SF3B3: variants seen among roughly 807,000 people sequenced by gnomAD.
SF3B3 encodes splicing factor 3b subunit 3.
A neutral mutation model predicts 139.2 loss-of-function variants in SF3B3; 33 were observed. The ratio of observed to expected loss-of-function variants is 0.24; its 90% CI spans 0.18 to 0.32. The LOEUF (loss-of-function observed/expected upper bound fraction) is 0.32, where lower values mean the gene tolerates loss of function less well. Among genes scored for constraint, SF3B3 ranks in the 10% least tolerant of loss-of-function variants. The probability of loss-of-function intolerance (pLI) is 1.00; values close to 1 mark genes in which losing one functional copy is unlikely to be tolerated. For missense variants in SF3B3, 818 were observed against 1,509.4 expected (o/e 0.54, Z 7.59); for synonymous variants, 596 against 563.6 (o/e 1.06, Z -0.81).
At position 70,529,190 on chromosome 16, in the gene SF3B3, G is replaced by A. The variant is rs1267673684; in HGVS notation, c.388G>A (p.Val130Ile). Residue 130 changes from valine (V) to isoleucine (I), a missense_variant, in exon 3 of 26, where the codon GTT (valine) becomes ATT (isoleucine). Coordinates refer to ENST00000302516, the MANE Select transcript of SF3B3 (RefSeq NM_012426.5). Reference sequence around the variant, plus strand: ...AGCTGTGGATCCCAAAGGGCGAGCCGTTATGATTAGTAAGTGATTTACTCT... The same window carrying A: ...AGCTGTGGATCCCAAAGGGCGAGCCATTATGATTAGTAAGTGATTTACTCT... ...FLAVDPKGRA[V>I]MISAIEKQKL... is the part of the protein sequence containing the mutation. 2.5e-6 allele frequency: 4 copies of A among 1,612,194 alleles called. No individual in the cohort carries two copies. The highest frequency in any genetic ancestry group is 1.3e-5 in the African/African-American group (1 of 74,942).
chr16:70,525,363 T>A (rs1445260285), intron 1 of SF3B3, among the ~76,000 whole-genome samples: 4 of 152,098 alleles, frequency 2.6e-5, no homozygotes, highest in Non-Finnish European at 5.9e-5. Flanking sequence ...GGACTGATCC[T>A]CCGAAATGCA....
chr16:70,530,094 C>G (rs1417538933), intron 3 of SF3B3, among the ~76,000 whole-genome samples: 9 of 150,830 alleles, frequency 6.0e-5, no homozygotes, highest in Admixed American at 2.7e-4. Context: ...CTACTGCACT[C>G]CAGCCCGGAC....
At chr16:70,550,743 C>T in intron 11 of SF3B3, 1 of 835,244 alleles carries the variant, frequency 1.2e-6, no homozygotes, top group Non-Finnish European at 1.4e-6. Flanking sequence ...GGGACCTGCA[C>T]AAAATATTGA....
intron 9 of SF3B3, 67 bp downstream of exon 9, chr16:70,541,901 T>C: frequency 7.5e-7 from 1 of 1,335,148 alleles, no homozygotes; most frequent in South Asian, 1.5e-5. Context: ...GTCTAAGAAA[T>C]AGCTTTATTA....
At position 70,529,057 on chromosome 16, in the gene SF3B3, T is replaced by C. The variant is rs1034865999; in HGVS notation, c.255T>C (p.Gly85=). 15 of 1,614,076 alleles carry C rather than the reference T, an allele frequency of 9.3e-6. No homozygotes were observed. In the African/African-American group the frequency reaches 1.3e-4, roughly 14 times the overall value. The change falls in exon 3 of 26, where the codon GGT becomes GGC. Residue 85 remains glycine (G), a synonymous_variant. Transcript: ENST00000302516. ...KDYIVVGSDS[G]RIVILEYQPS... ...ACATTGTAGTTGGCAGTGACTCTGGTCGAATTGTTATTTTGGAATACCAGC... is the reference window on the plus strand; with the variant it reads ...ACATTGTAGTTGGCAGTGACTCTGGCCGAATTGTTATTTTGGAATACCAGC...
chr16:70,547,683 T>A (rs2050281601), intron 10 of SF3B3, among the ~76,000 whole-genome samples: 1 of 152,136 alleles, frequency 6.6e-6, no homozygotes. Context: ...AACCTCCGCC[T>A]CCCGGGTTCA....
chr16:70,571,593 C>A, intron 25 of SF3B3, 80 bp from the exon 26 acceptor site: 1 of 1,466,972 alleles, frequency 6.8e-7, no homozygotes, highest in Admixed American at 2.2e-5. Flanking sequence ...ACAGCTTTCC[C>A]TACAAGTGCT....
chr16:70,569,002 G>C, intron 22 of SF3B3, 41 bp from the exon 23 acceptor site: 4 of 1,463,856 alleles, frequency 2.7e-6, no homozygotes, highest in Non-Finnish European at 3.8e-6. Flanking sequence ...AGGTGAGCAG[G>C]TCCGGGCCCC....
At chr16:70,559,473 G>T (rs1477955174) in intron 15 of SF3B3, among the ~76,000 whole-genome samples, 2 of 152,038 alleles carry the variant, frequency 1.3e-5, no homozygotes, top group African/African-American at 4.8e-5. Flanking sequence ...GATTGCTTGA[G>T]CTCAGGAGTT....
intron 25 of SF3B3, among the ~76,000 whole-genome samples, 197 bp from the exon 26 acceptor site, chr16:70,571,476 G>T (rs1327572710): frequency 6.6e-6 from 1 of 152,164 alleles, no homozygotes; most frequent in Non-Finnish European, 1.5e-5. Flanking sequence ...CCAGCCAATC[G>T]GGAGGCTGAG....
At chr16:70,541,893 C>CCTG in intron 9 of SF3B3, 59 bp downstream of exon 9, 1 of 1,410,816 alleles carries the variant, frequency 7.1e-7, no homozygotes, top group Non-Finnish European at 9.7e-7. Flanking sequence ...GAGGTCTAGT[C>CCTG]TAAGAAATAG....
At chr16:70,524,152 C>G in intron 1 of SF3B3, 1 of 321,218 alleles carries the variant, frequency 3.1e-6, no homozygotes, top group Non-Finnish European at 5.6e-6. Flanking sequence ...AAATAGGGCT[C>G]GTGGAGATTG....
At chr16:70,526,046 G>T (rs1191372923) in intron 1 of SF3B3, among the ~76,000 whole-genome samples, 1 of 149,992 alleles carries the variant, frequency 6.7e-6, no homozygotes, top group East Asian at 1.9e-4. Flanking sequence ...CCCATTTCTA[G>T]CCTGGAGCAT....
chr16:70,563,107 A>T (rs1242979067), intron 17 of SF3B3, among the ~76,000 whole-genome samples: 1 of 151,298 alleles, frequency 6.6e-6, no homozygotes, highest in African/African-American at 2.4e-5. Context: ...AGCTGGGACT[A>T]CAGGCGTGCG....
chr16:70,535,217 A>G (rs2050155533), intron 5 of SF3B3, 91 bp from the exon 6 acceptor site: 5 of 615,516 alleles, frequency 8.1e-6, no homozygotes, highest in Middle Eastern at 2.7e-4. Flanking sequence ...CATTACCATC[A>G]TCAAGTTGTG....
chr16:70,541,798 T>G lies in SF3B3; in HGVS notation c.1197T>G (p.Asp399Glu). 6.2e-7 allele frequency: 1 copy of G among 1,614,174 alleles called. No individual in the cohort carries two copies. The highest frequency in any genetic ancestry group is 2.2e-5 in the East Asian group (1 of 44,892). ...PRPLKNLVLV[D>E]ELDSLSPILF... ...CACTTAAAAACCTTGTGCTGGTTGA[T>G]GAGTTGGACAGCCTCTCTCCCATTC... is the stretch of plus-strand genomic sequence containing the variant. The change falls in exon 9 of 26, where the codon GAT becomes GAG. Residue 399 changes from aspartate to glutamate, a missense_variant. This residue lies in a region of SF3B3 where 26 missense variants were observed against 25.5 expected (regional missense o/e 1.02). Transcript: ENST00000302516.
At chr16:70,564,686 T>C (rs935356546) in intron 18 of SF3B3, among the ~76,000 whole-genome samples, 2 of 152,198 alleles carry the variant, frequency 1.3e-5, no homozygotes, top group Admixed American at 6.5e-5. Flanking sequence ...TACAACCACG[T>C]AGAACTGTAT....
chr16:70,532,742 C>G lies in SF3B3; in HGVS notation c.712+122C>G, dbSNP rs201812221. On this transcript the variant is annotated intron_variant, in intron 5 of 25. Transcript: ENST00000302516. ...TTTGTTGTGAACCTGAATACCTTAT[C>G]TTTTGGACAGGTTAGAAGTTCATGT... The G allele has an allele frequency of 9.0e-6, 7 of 777,006 alleles. No homozygotes were observed. The South Asian group carries it at 1.4e-4, about 15-fold the overall frequency. 48.1% of individuals were successfully genotyped at this position (777,006 alleles called of 1,614,324 possible). A position where few individuals can be genotyped will look rare whatever the true frequency, so the allele number is the denominator to read the frequency against.
rs1048550847 is a variant in SF3B3 at position 70,573,248 on chromosome 16, C to A, written c.*1435C>A. 1 of 152,156 alleles carries A rather than the reference C, an allele frequency of 6.6e-6. No individual in the cohort carries two copies. The highest frequency in any genetic ancestry group is 1.5e-5 in the Non-Finnish European group (1 of 68,032). The allele number at this position is 152,156 out of a possible 1,614,324, so 9.4% of individuals were successfully genotyped here. A position where few individuals can be genotyped will look rare whatever the true frequency, so the allele number is the denominator to read the frequency against. On this transcript the variant is annotated 3_prime_UTR_variant, in exon 26 of 26. Coordinates refer to ENST00000302516, the MANE Select transcript of SF3B3 (RefSeq NM_012426.5). Reference sequence around the variant, plus strand: ...TGAATTTGCATAGTAGACAGTAGTTCTGAATTAGATTTTGAAAACCTAATT... The same window carrying A: ...TGAATTTGCATAGTAGACAGTAGTTATGAATTAGATTTTGAAAACCTAATT...
Sources: gnomAD v4.1 joint callset for allele counts (sites outside exome capture counted in the v4.1 genomes callset) on GRCh38, gnomAD v4.1.1 for gene constraint, gnomAD v4.1.1 regional missense constraint, MANE v1.5 for transcripts, NCBI Gene and HGNC (gene_info 2026-07-23, HGNC 2026-07-21) for gene names.